Variants in DAG1 observed in about 807,000 individuals in gnomAD.
DAG1 encodes the protein dystroglycan 1 (dystrophin-associated glycoprotein 1).
DAG1 carries 8 observed loss-of-function variants against 46.1 expected under a neutral mutation model. The ratio of observed to expected loss-of-function variants is 0.17; its 90% CI spans 0.10 to 0.31. DAG1 has a LOEUF of 0.31. Ranked by LOEUF, DAG1 falls within the 10% of genes least tolerant of loss-of-function variation. The probability of loss-of-function intolerance (pLI) is 1.00; values close to 1 mark genes in which losing one functional copy is unlikely to be tolerated. For missense variants in DAG1, 1,003 were observed against 1,189.9 expected (o/e 0.84, Z 2.31); for synonymous variants, 495 against 481.8 (o/e 1.03, Z -0.36).
chr3:49,477,647 A>G (rs2049720384), intron 1 of DAG1, among the ~76,000 whole-genome samples: 1 of 152,130 alleles, frequency 6.6e-6, no homozygotes, highest in Non-Finnish European at 1.5e-5. Flanking sequence ...TAATACATAC[A>G]TTTAAGTAGT....
chr3:49,504,761 A>ATTTTTTTTTTTTT (rs57684297), intron 1 of DAG1, among the ~76,000 whole-genome samples: 267 of 89,844 alleles, frequency 3.0e-3, no homozygotes, highest in Middle Eastern at 0.016. Context: ...CGCCCAGCTA[A>ATTTTTTTTTTTTT]TTTTTTTTTT....
chr3:49,510,270 A>G (rs1482127798), intron 1 of DAG1, 149 bp from the exon 2 acceptor site: 8 of 574,306 alleles, frequency 1.4e-5, no homozygotes, highest in East Asian at 5.6e-5. Context: ...GAGTTGCACG[A>G]AACTGTTGGT....
rs1304242732 is a variant in DAG1, at chr3:49,532,686, G to C, written c.2175G>C (p.Arg725Ser). Reference protein sequence around the residue: ...HLQFIPVVPPRRVPSEAPPTE... With the variant: ...HLQFIPVVPPSRVPSEAPPTE... ...AGTTTATCCCTGTGGTACCACCCAGGAGAGTGCCCTCAGAGGCGCCGCCCA... is the reference window on the plus strand; with the variant it reads ...AGTTTATCCCTGTGGTACCACCCAGCAGAGTGCCCTCAGAGGCGCCGCCCA... The change falls in exon 3 of 3, where the codon AGG becomes AGC. Residue 725 changes from arginine to serine, a missense_variant. By Grantham distance (110) the Arg-to-Ser change is moderately radical (BLOSUM62 -1). Coordinates refer to ENST00000308775, the MANE Select transcript of DAG1 (RefSeq NM_004393.6). The surrounding 1 kb of genome is among the most constrained non-coding windows in gnomAD (Gnocchi z 5.4). The C allele has an allele frequency of 6.2e-7, 1 of 1,614,192 alleles. No individual in the cohort carries two copies. Among genetic ancestry groups the C allele is most frequent in the South Asian group, 1.1e-5 (1 of 91,080 alleles).
chr3:49,479,930 G>A (rs1408198548), intron 1 of DAG1, among the ~76,000 whole-genome samples: 2 of 145,048 alleles, frequency 1.4e-5, no homozygotes, highest in Non-Finnish European at 1.5e-5. Flanking sequence ...GTGAGCCCCC[G>A]CGCCAGCCTG....
chr3:49,514,344 C>G (rs1203043251), intron 2 of DAG1, among the ~76,000 whole-genome samples: 2 of 152,162 alleles, frequency 1.3e-5, no homozygotes, highest in African/African-American at 4.8e-5. Flanking sequence ...GAAAAAAAAT[C>G]TGTGGTTTCT....
At chr3:49,505,824 C>T (rs1312095395) in intron 1 of DAG1, among the ~76,000 whole-genome samples, 5 of 118,192 alleles carry the variant, frequency 4.2e-5, no homozygotes, top group African/African-American at 1.2e-4. Context: ...CCACCATGCC[C>T]GGCTAATTTT....
intron 1 of DAG1, among the ~76,000 whole-genome samples, chr3:49,500,279 G>T (rs34363169): frequency 2.0e-5 from 3 of 152,052 alleles, no homozygotes; most frequent in African/African-American, 7.2e-5. Flanking sequence ...CAAAGTGCTG[G>T]TATTACAGGC....
chr3:49,469,627 C>A (rs2106658264), upstream of DAG1, among the ~76,000 whole-genome samples: 1 of 152,294 alleles, frequency 6.6e-6, no homozygotes, highest in African/African-American at 2.4e-5. Context: ...CTTTCCGACT[C>A]CCCAGCCTGC....
At position 49,534,141 on chromosome 3, in the gene DAG1, TC is replaced by T. The variant is rs1160856870; in HGVS notation, c.*943del. 2 of 152,156 alleles carry T rather than the reference TC, an allele frequency of 1.3e-5. No homozygotes were observed. Among genetic ancestry groups the T allele is most frequent in the African/African-American group, 2.4e-5 (1 of 41,406 alleles). The allele number at this position is 152,156 out of a possible 1,614,324, so 9.4% of individuals were successfully genotyped here. A position where few individuals can be genotyped will look rare whatever the true frequency, so the allele number is the denominator to read the frequency against. On this transcript the variant is annotated 3_prime_UTR_variant, in exon 3 of 3. Transcript: ENST00000308775. Reference sequence around the variant, plus strand: ...GTGGGGGCACCTGGGAGGTCAAAGGTCTCCACCACATCAACCTATTTTGTTT... The same window carrying T: ...GTGGGGGCACCTGGGAGGTCAAAGGTTCCACCACATCAACCTATTTTGTTT...
intron 1 of DAG1, among the ~76,000 whole-genome samples, chr3:49,502,332 G>A (rs1245134081): frequency 6.6e-6 from 1 of 152,210 alleles, no homozygotes; most frequent in African/African-American, 2.4e-5. Flanking sequence ...TGGAACTGAT[G>A]CCCATAGGGC....
At chr3:49,489,964 T>G (rs2050138251) in intron 1 of DAG1, among the ~76,000 whole-genome samples, 1 of 152,168 alleles carries the variant, frequency 6.6e-6, no homozygotes, top group South Asian at 2.1e-4. Flanking sequence ...ACCTGCTGAC[T>G]GCTTCACAAT....
In DAG1 at chr3:49,535,534, C is replaced by T. The variant is rs1172342839; in HGVS notation, c.*2335C>T. 1 of 152,680 alleles carries T rather than the reference C, an allele frequency of 6.5e-6. No homozygotes were observed. The highest frequency in any genetic ancestry group is 1.5e-5 in the Non-Finnish European group (1 of 68,042). The allele number at this position is 152,680 out of a possible 1,614,324, so 9.5% of individuals were successfully genotyped here. A position where few individuals can be genotyped will look rare whatever the true frequency, so the allele number is the denominator to read the frequency against. ...CCAACCACTGATGTGTTTTTATTTCCTTCTATATGATTTTAAGATGTGTTT... is the reference window on the plus strand; with the variant it reads ...CCAACCACTGATGTGTTTTTATTTCTTTCTATATGATTTTAAGATGTGTTT... On this transcript the variant is annotated 3_prime_UTR_variant, in exon 3 of 3. Transcript: ENST00000308775.
intron 1 of DAG1, among the ~76,000 whole-genome samples, chr3:49,493,717 A>G (rs1227117799): frequency 6.6e-6 from 1 of 152,212 alleles, no homozygotes; most frequent in African/African-American, 2.4e-5. Flanking sequence ...AAGGCCAGCA[A>G]TGTGGGAGCT....
At position 49,496,336 on chromosome 3, in the gene DAG1, A is replaced by AT. The variant is rs557095870; in HGVS notation, c.-116-14077dup. Reference sequence around the variant, plus strand: ...AGGTCCATGCCTACGTACTTGGCCAATTTTTTAAATTTTTAACTTTTTTTT... The same window carrying AT: ...AGGTCCATGCCTACGTACTTGGCCAATTTTTTTAAATTTTTAACTTTTTTTT... On this transcript the variant is annotated intron_variant, in intron 1 of 2. Transcript: ENST00000308775. 2.7e-3 allele frequency among the ~76,000 whole-genome samples: 392 copies of AT among 147,204 alleles called. 3 individuals are homozygous for AT. Among genetic ancestry groups the AT allele is most frequent in the African/African-American group, 9.1e-3 (366 of 40,060 alleles).
At chr3:49,504,628 T>C (rs1278061939) in intron 1 of DAG1, among the ~76,000 whole-genome samples, 1 of 118,514 alleles carries the variant, frequency 8.4e-6, no homozygotes, top group African/African-American at 3.1e-5. Flanking sequence ...ACTCTGTTGC[T>C]CAGGCTGGAG....
At chr3:49,500,228 G>T (rs1575371574) in intron 1 of DAG1, among the ~76,000 whole-genome samples, 1 of 152,098 alleles carries the variant, frequency 6.6e-6, no homozygotes, top group African/African-American at 2.4e-5. Flanking sequence ...GGCCGGGCTG[G>T]TCTTGAACTC....
chr3:49,518,871 G>GGCC (rs1221437673), intron 2 of DAG1, among the ~76,000 whole-genome samples: 1 of 152,176 alleles, frequency 6.6e-6, no homozygotes, highest in Non-Finnish European at 1.5e-5. Context: ...CTCCTCTCTT[G>GGCC]TGGCCTTAGG....
At chr3:49,472,432 G>T (rs1023938854) in intron 1 of DAG1, among the ~76,000 whole-genome samples, 1 of 152,132 alleles carries the variant, frequency 6.6e-6, no homozygotes, top group African/African-American at 2.4e-5. Flanking sequence ...TAGTGTTGAG[G>T]ATGGTGGGAT....
intron 1 of DAG1, among the ~76,000 whole-genome samples, chr3:49,486,668 A>G (rs1192719937): frequency 1.3e-5 from 2 of 151,244 alleles, no homozygotes; most frequent in Non-Finnish European, 2.9e-5. Context: ...ACGCCTGGCT[A>G]ATTTTTATAT....
Sources: gnomAD v4.1 joint callset for allele counts (sites outside exome capture counted in the v4.1 genomes callset) on GRCh38, gnomAD v4.1.1 for gene constraint, Gnocchi (gnomAD v3.1) non-coding constraint, MANE v1.5 for transcripts, NCBI Gene and HGNC (gene_info 2026-07-23, HGNC 2026-07-21) for gene names.